ARHGEF19: variants seen among roughly 807,000 people sequenced by gnomAD.
ARHGEF19 encodes Rho guanine nucleotide exchange factor 19.
In ARHGEF19, 92 loss-of-function variants were observed where a neutral mutation model predicts 87.6. The observed-to-expected ratio is 1.05, with a 90% CI of 0.89 to 1.25. ARHGEF19 has a LOEUF of 1.25. ARHGEF19 is among the 50% of genes most tolerant of loss of function. The pLI is 0.00. For missense variants in ARHGEF19, 1,054 were observed against 1,051.8 expected (o/e 1.00, Z -0.03); for synonymous variants, 438 against 446.2 (o/e 0.98, Z 0.23).
In ARHGEF19 at chr1:16,209,390, G is replaced by A. The variant is rs145997404; in HGVS notation, c.-29-307C>T. ...GAGAGGTTATTTGGTAAATGGTGGA[G>A]CCAGGATTCTAACCTGGCCGTTCTA... On this transcript the variant is annotated intron_variant, in intron 1 of 15. Transcript: ENST00000270747. Among the ~76,000 whole-genome samples the A allele has an allele frequency of 8.1e-4, 123 of 152,300 alleles. 1 individual carries two copies. Among genetic ancestry groups the A allele is most frequent in the African/African-American group, 2.7e-3 (112 of 41,566 alleles).
chr1:16,206,570 T>G lies in ARHGEF19; in HGVS notation c.1138-230A>C, dbSNP rs1488440747. On this transcript the variant is annotated intron_variant, in intron 6 of 15. Coordinates refer to ENST00000270747, the MANE Select transcript of ARHGEF19 (RefSeq NM_153213.5). This position sits in a 1 kb window ranked among gnomAD's most constrained non-coding sequence, Gnocchi z 4.6. The stretch of plus-strand genomic sequence containing the variant: ...CTCTCCTAAGCCCCGCCCCGACGCG[T>G]TCTTCCCAGAGCCCCGCCCACCCCC... The G allele has an allele frequency of 5.2e-5, 26 of 498,810 alleles. No homozygotes were observed. Among genetic ancestry groups the G allele is most frequent in the Non-Finnish European group, 7.0e-5 (20 of 284,566 alleles). The allele number at this position is 498,810 out of a possible 1,614,324, so 30.9% of individuals were successfully genotyped here.
chr1:16,199,817 C>T (rs1019656324), intron 14 of ARHGEF19, among the ~76,000 whole-genome samples: 1 of 151,970 alleles, frequency 6.6e-6, no homozygotes, highest in African/African-American at 2.4e-5. Context: ...TTCTCCCCTC[C>T]ACTTTCCCTC....
intron 1 of ARHGEF19, among the ~76,000 whole-genome samples, chr1:16,210,151 C>T (rs1465386655): frequency 1.3e-5 from 2 of 152,272 alleles, no homozygotes; most frequent in Non-Finnish European, 2.9e-5. Flanking sequence ...TCTCTGGGCC[C>T]AGGCCCGCTG....
At chr1:16,200,860 C>T (rs1483771899) in intron 14 of ARHGEF19, among the ~76,000 whole-genome samples, 1 of 152,144 alleles carries the variant, frequency 6.6e-6, no homozygotes, top group Non-Finnish European at 1.5e-5. Context: ...GAGATTGTGC[C>T]ACTGCACTCC....
chr1:16,200,066 C>T (rs551765526), intron 14 of ARHGEF19, among the ~76,000 whole-genome samples: 2 of 152,326 alleles, frequency 1.3e-5, no homozygotes, highest in African/African-American at 2.4e-5. Flanking sequence ...CCCTGACCAC[C>T]TGGGAATAGA....
Position 16,209,032 on chromosome 1 carries a change from G to A in ARHGEF19, c.23C>T (p.Thr8Ile). 6 of 1,494,104 alleles carry A rather than the reference G, an allele frequency of 4.0e-6. No homozygotes were observed. Among genetic ancestry groups the A allele is most frequent in the Non-Finnish European group, 5.3e-6 (6 of 1,123,524 alleles). 92.6% of individuals were successfully genotyped at this position (1,494,104 alleles called of 1,614,324 possible). The change falls in exon 2 of 16, where the codon ACC becomes ATC. Residue 8 changes from threonine (T) to isoleucine (I), a missense_variant. Transcript: ENST00000270747. ...TGGCCCAGTCAGGTGGGGCTGGAGG[G>A]TAGCAGGTGGCCCACAGTCCATTCC... MDCGPPA[T>I]LQPHLTGPPG... is the part of the protein sequence containing the mutation.
chr1:16,208,170 G>T lies in ARHGEF19; in HGVS notation c.468C>A (p.His156Gln). ...CCTGGCCAGGCTCTAGGAAGACAGCGTGGGCCTCGGGGCAGCCGGGGACCT... is the reference window on the plus strand; with the variant it reads ...CCTGGCCAGGCTCTAGGAAGACAGCTTGGGCCTCGGGGCAGCCGGGGACCT... The part of the protein sequence containing the change: ...REEVPGCPEA[H>Q]AVFLEPGQVV... Residue 156 changes from histidine to glutamine, a missense_variant, in exon 3 of 16, where the codon CAC becomes CAA. Transcript: ENST00000270747. 1.2e-6 allele frequency: 2 copies of T among 1,613,332 alleles called. No homozygotes were observed. The highest frequency in any genetic ancestry group is 1.7e-6 in the Non-Finnish European group (2 of 1,179,550).
At chr1:16,211,858 G>A (rs2081200496) in intron 1 of ARHGEF19, among the ~76,000 whole-genome samples, 1 of 152,196 alleles carries the variant, frequency 6.6e-6, no homozygotes, top group African/African-American at 2.4e-5. Flanking sequence ...CACGATCACA[G>A]GATAGAGACT....
rs1178428072 is a variant in ARHGEF19 at position 16,206,968 on chromosome 1, G to C, written c.1117C>G (p.Arg373Gly). 1 of 1,457,372 alleles carries C rather than the reference G, an allele frequency of 6.9e-7. No individual in the cohort carries two copies. The highest frequency in any genetic ancestry group is 1.5e-5 in the African/African-American group (1 of 66,816). The allele number at this position is 1,457,372 out of a possible 1,614,324, so 90.3% of individuals were successfully genotyped here. A position where few individuals can be genotyped will look rare whatever the true frequency, so the allele number is the denominator to read the frequency against. The change falls in exon 6 of 16, where the codon CGG (arginine) becomes GGG (glycine). Residue 373 changes from arginine (R) to glycine (G), a missense_variant. By Grantham distance (125) the Arg-to-Gly change is moderately radical. Transcript: ENST00000270747. This position sits in a 1 kb window ranked among gnomAD's most constrained non-coding sequence, Gnocchi z 4.6. ...CCCACCTCCTGCAGCTTGCAGTCCCGCAGGCTCAGCGTGGCCAGGACGCCG... is the reference window on the plus strand; with the variant it reads ...CCCACCTCCTGCAGCTTGCAGTCCCCCAGGCTCAGCGTGGCCAGGACGCCG... ...GSGVLATLSLRDCKLQEAKFE... is the reference protein window; with the variant it reads ...GSGVLATLSLGDCKLQEAKFE...
Position 16,205,850 on chromosome 1 carries a change from T to G in ARHGEF19, c.1451+81A>C. 2.6e-6 allele frequency: 4 copies of G among 1,523,654 alleles called. No homozygotes were observed. The highest frequency in any genetic ancestry group is 3.5e-6 in the Non-Finnish European group (4 of 1,131,222). The allele number at this position is 1,523,654 out of a possible 1,614,324, so 94.4% of individuals were successfully genotyped here. On this transcript the variant is annotated intron_variant, in intron 8 of 15. Transcript: ENST00000270747. The surrounding 1 kb of genome is among the most constrained non-coding windows in gnomAD (Gnocchi z 5.8). Reference sequence around the variant, plus strand: ...GGACCCCTCCCCTCCCAGAGTCACCTTACGTCACCCAGCCCTCAGTGCCTA... The same window carrying G: ...GGACCCCTCCCCTCCCAGAGTCACCGTACGTCACCCAGCCCTCAGTGCCTA...
Position 16,206,124 on chromosome 1 carries a change from G to A in ARHGEF19, c.1299-41C>T, listed in dbSNP as rs368383928. 59 of 1,575,350 alleles carry A rather than the reference G, an allele frequency of 3.7e-5. No homozygotes were observed. Among genetic ancestry groups the A allele is most frequent in the Non-Finnish European group, 4.8e-5 (56 of 1,159,084 alleles). ...CAGGATGGAGACCCCAGATCTGGGAGCTGGCCAACCACTGGCTCCGTCCCC... is the reference window on the plus strand; with the variant it reads ...CAGGATGGAGACCCCAGATCTGGGAACTGGCCAACCACTGGCTCCGTCCCC... On this transcript the variant is annotated intron_variant, in intron 7 of 15. Coordinates refer to ENST00000270747, the MANE Select transcript of ARHGEF19 (RefSeq NM_153213.5). This position sits in a 1 kb window ranked among gnomAD's most constrained non-coding sequence, Gnocchi z 4.6.
In ARHGEF19 at chr1:16,202,079, C is replaced by T. The variant is rs539628331; in HGVS notation, c.2067-218G>A. Among the ~76,000 whole-genome samples the T allele has an allele frequency of 5.3e-5, 8 of 152,248 alleles. No individual in the cohort carries two copies. The East Asian group carries it at 1.5e-3, about 29-fold the overall frequency. On this transcript the variant is annotated intron_variant, in intron 13 of 15. Coordinates refer to ENST00000270747, the MANE Select transcript of ARHGEF19 (RefSeq NM_153213.5). ...CTGAGCATAACAGGCCCAGAACCCC[C>T]TGGATGCCAGCCCTACCCCCATCCT... is the stretch of plus-strand genomic sequence containing the variant.
In ARHGEF19 at chr1:16,206,348, A is replaced by C; in HGVS notation, c.1138-8T>G. 1 of 1,574,140 alleles carries C rather than the reference A, an allele frequency of 6.4e-7. No individual in the cohort carries two copies. Among genetic ancestry groups the C allele is most frequent in the Non-Finnish European group, 8.6e-7 (1 of 1,160,018 alleles). On this transcript the variant is annotated splice_region_variant and splice_polypyrimidine_tract_variant and intron_variant, in intron 6 of 15. Transcript: ENST00000270747. The surrounding 1 kb of genome is among the most constrained non-coding windows in gnomAD (Gnocchi z 4.6). ...GATCAGCTCAAACTTGGCCTGAGGG[A>C]GGGCACACACGGGGTCGAAAGGGCA...
At position 16,206,887 on chromosome 1, in the gene ARHGEF19, G is replaced by A. The variant is rs2081141940; in HGVS notation, c.1137+61C>T. ...CCCTCTATGGCCCGGTTCCCGCTAA[G>A]TCCCCGGACCGCGTACTCCCCGGCC... is the stretch of plus-strand genomic sequence containing the variant. On this transcript the variant is annotated intron_variant, in intron 6 of 15. Coordinates refer to ENST00000270747, the MANE Select transcript of ARHGEF19 (RefSeq NM_153213.5). The surrounding 1 kb of genome is among the most constrained non-coding windows in gnomAD (Gnocchi z 4.6). The A allele has an allele frequency of 2.1e-6, 3 of 1,396,552 alleles. No homozygotes were observed. In the East Asian group the frequency reaches 9.0e-5, roughly 42 times the overall value. 86.5% of individuals were successfully genotyped at this position (1,396,552 alleles called of 1,614,324 possible).
At chr1:16,208,275 C>T in intron 2 of ARHGEF19, 50 bp from the exon 3 acceptor site, 2 of 1,572,590 alleles carry the variant, frequency 1.3e-6, no homozygotes, top group Non-Finnish European at 1.7e-6. Flanking sequence ...CTCCCCCAAC[C>T]TCCTCCCTGC....
chr1:16,210,249 C>T (rs1356798370), intron 1 of ARHGEF19, among the ~76,000 whole-genome samples: 1 of 151,912 alleles, frequency 6.6e-6, no homozygotes, highest in Non-Finnish European at 1.5e-5. Flanking sequence ...GAGTTTGATT[C>T]ATCAAACCCT....
intron 14 of ARHGEF19, among the ~76,000 whole-genome samples, chr1:16,201,172 T>C (rs1182782969): frequency 6.8e-6 from 1 of 146,554 alleles, no homozygotes; most frequent in Non-Finnish European, 1.5e-5. Context: ...CAGTGATCCA[T>C]GATCATGCCA....
rs773478693 is a variant in ARHGEF19 at position 16,207,536 on chromosome 1, C to A, written c.860G>T (p.Arg287Leu). 2.5e-6 allele frequency: 4 copies of A among 1,613,962 alleles called. 1 individual carries two copies. In the South Asian group the frequency reaches 4.4e-5, roughly 18 times the overall value. ...SRSTNERRQS[R>L]FLLNSVLYQE... ...CTCCCACGTACAGTTAAGGAGGAATCGAGACTGGCGCCGCTCGTTGGTGCT... is the reference window on the plus strand; with the variant it reads ...CTCCCACGTACAGTTAAGGAGGAATAGAGACTGGCGCCGCTCGTTGGTGCT... Residue 287 changes from arginine (R) to leucine (L), a missense_variant, in exon 5 of 16, where the codon CGA becomes CTA. Arg to Leu is a moderately radical substitution (Grantham distance 102). Coordinates refer to ENST00000270747, the MANE Select transcript of ARHGEF19 (RefSeq NM_153213.5). The surrounding 1 kb of genome is among the most constrained non-coding windows in gnomAD (Gnocchi z 4.0).
At position 16,208,044 on chromosome 1, in the gene ARHGEF19, T is replaced by C. The variant is rs367592786; in HGVS notation, c.594A>G (p.Ala198=). 30 of 1,613,814 alleles carry C rather than the reference T, an allele frequency of 1.9e-5. No homozygotes were observed. The African/African-American group carries it at 3.3e-4, about 18-fold the overall frequency. The stretch of plus-strand genomic sequence containing the variant: ...AGTGCAGCCGGGTCATCAGCTCCGA[T>C]GCCGAGAAGCGCCTCCGCTCAGGAC... The part of the protein sequence containing the change: ...LEGPERRRFS[A]SELMTRLHSS... Residue 198 remains alanine (A), a synonymous_variant, in exon 3 of 16, where the codon GCA becomes GCG. Coordinates refer to ENST00000270747, the MANE Select transcript of ARHGEF19 (RefSeq NM_153213.5).
Sources: gnomAD v4.1 joint callset for allele counts (sites outside exome capture counted in the v4.1 genomes callset) on GRCh38, gnomAD v4.1.1 for gene constraint, Gnocchi (gnomAD v3.1) non-coding constraint, MANE v1.5 for transcripts, NCBI Gene and HGNC (gene_info 2026-07-23, HGNC 2026-07-21) for gene names.